Variants in SPATS1 observed in about 807,000 individuals in gnomAD.
The protein encoded by SPATS1 is spermatogenesis associated serine rich 1.
In SPATS1, 23 loss-of-function variants were observed where a neutral mutation model predicts 33.6. The ratio of observed to expected loss-of-function variants is 0.68; its 90% CI spans 0.49 to 0.97. SPATS1 has a LOEUF of 0.97. SPATS1 is among the 50% of genes least tolerant of loss of function. The pLI is 0.00. For missense variants in SPATS1, 327 were observed against 361.0 expected, an observed-to-expected ratio of 0.91 and a Z score of 0.76; for synonymous variants, 131 against 125.6, an observed-to-expected ratio of 1.04 and a Z score of -0.29.
Position 44,379,765 on chromosome 6 carries a change from A to G in SPATS1, c.*2702A>G, listed in dbSNP as rs1790122343. ...ATTTGATTCCTTTTTCTTTTAATCC[A>G]GGCCGCAAAAACCATGAGTAAAAAA... On this transcript the variant is annotated 3_prime_UTR_variant, in exon 9 of 9. Coordinates refer to ENST00000674044, the MANE Select transcript of SPATS1 (RefSeq NM_001372081.1). 6.7e-6 allele frequency among the ~76,000 whole-genome samples: 1 copy of G among 150,144 alleles called. No individual in the cohort carries two copies. The highest frequency in any genetic ancestry group is 2.2e-4 in the South Asian group (1 of 4,644).
intron 2 of SPATS1, among the ~76,000 whole-genome samples, chr6:44,346,781 T>C (rs1056601491): frequency 2.0e-5 from 3 of 152,110 alleles, no homozygotes; most frequent in African/African-American, 7.2e-5. Context: ...GCTCAAGGAG[T>C]GTAAATTAGT....
At chr6:44,370,530 T>C (rs1789540877) in intron 7 of SPATS1, among the ~76,000 whole-genome samples, 1 of 152,196 alleles carries the variant, frequency 6.6e-6, no homozygotes, top group Non-Finnish European at 1.5e-5. Context: ...TTGAGGGAAA[T>C]ATCATTCCTT....
intron 2 of SPATS1, among the ~76,000 whole-genome samples, chr6:44,347,669 G>T (rs950880337): frequency 1.3e-5 from 2 of 152,068 alleles, no homozygotes; most frequent in African/African-American, 4.8e-5. Flanking sequence ...GGATAAGAAA[G>T]GATTAATTTT....
chr6:44,343,235 G>T lies in SPATS1; in HGVS notation c.139+1G>T. The T allele has an allele frequency of 6.2e-7, 1 of 1,613,212 alleles. No homozygotes were observed. The highest frequency in any genetic ancestry group is 8.5e-7 in the Non-Finnish European group (1 of 1,179,596). ...ATGACCGAGGTGGAGAGGACCTACA[G>T]TTGAGTTCTAAGAAATCCAGGCTGT... On this transcript the variant is annotated splice_donor_variant, in intron 2 of 8. Coordinates refer to ENST00000674044, the MANE Select transcript of SPATS1 (RefSeq NM_001372081.1). LOFTEE classifies it high-confidence loss of function.
chr6:44,355,371 G>C (rs902291941), intron 3 of SPATS1, among the ~76,000 whole-genome samples: 1 of 152,098 alleles, frequency 6.6e-6, no homozygotes, highest in African/African-American at 2.4e-5. Flanking sequence ...TCCATTGTCT[G>C]GATGTACCAT....
At position 44,373,719 on chromosome 6, in the gene SPATS1, G is replaced by A. The variant is rs74435720; in HGVS notation, c.759-2639G>A. Reference sequence around the variant, plus strand: ...CAAGTCTTCTCTAGTTAGTGACAGAGAGAGCCAGAATTAGAATAAAAATTA... The same window carrying A: ...CAAGTCTTCTCTAGTTAGTGACAGAAAGAGCCAGAATTAGAATAAAAATTA... On this transcript the variant is annotated intron_variant, in intron 7 of 8. Coordinates refer to ENST00000674044, the MANE Select transcript of SPATS1 (RefSeq NM_001372081.1). Among the ~76,000 whole-genome samples, 724 of 152,314 alleles carry A rather than the reference G, an allele frequency of 4.8e-3. 2 individuals carry two copies. Among genetic ancestry groups the A allele is most frequent in the Non-Finnish European group, 7.7e-3 (525 of 68,032 alleles).
chr6:44,362,943 A>C (rs1275996779), intron 5 of SPATS1, among the ~76,000 whole-genome samples: 2 of 150,208 alleles, frequency 1.3e-5, no homozygotes, highest in Non-Finnish European at 3.0e-5. Flanking sequence ...GGTTCAAGCC[A>C]TTCGCCTGCC....
intron 3 of SPATS1, among the ~76,000 whole-genome samples, chr6:44,353,819 C>T (rs1026665419): frequency 8.0e-5 from 12 of 149,542 alleles, no homozygotes; most frequent in South Asian, 2.1e-4. Context: ...TGGTGGATCA[C>T]GAGGTCAGGA....
At chr6:44,361,744 C>A (rs1788934334) in intron 4 of SPATS1, 87 bp from the exon 5 acceptor site, 2 of 1,528,878 alleles carry the variant, frequency 1.3e-6, no homozygotes, top group Non-Finnish European at 1.8e-6. Context: ...CCAGATAGTG[C>A]CTGTGGAGTT....
intron 2 of SPATS1, among the ~76,000 whole-genome samples, chr6:44,351,122 C>CAAAAAAAAAAA (rs34139961): frequency 2.8e-4 from 21 of 75,510 alleles, no homozygotes; most frequent in South Asian, 4.7e-4. Flanking sequence ...GACTCTGTGT[C>CAAAAAAAAAAA]AAAAAAAAAA....
intron 2 of SPATS1, among the ~76,000 whole-genome samples, chr6:44,348,377 T>C (rs9472259): frequency 0.56 from 85,659 of 151,942 alleles, 26,060 homozygotes; most frequent in Non-Finnish European, 0.69. Flanking sequence ...GCCATAGTTC[T>C]GATAATCTTT....
At chr6:44,347,940 C>T (rs1443971093) in intron 2 of SPATS1, among the ~76,000 whole-genome samples, 1 of 151,784 alleles carries the variant, frequency 6.6e-6, no homozygotes, top group Non-Finnish European at 1.5e-5. Context: ...AGCTTAATTT[C>T]TTTATCTGTA....
rs776938496 is a variant in SPATS1, at chr6:44,368,508, A to G, written c.695+9A>G. On this transcript the variant is annotated intron_variant, in intron 6 of 8. Transcript: ENST00000674044. ...CCAGTGAATTTTTCAATGTAAGTGT[A>G]TGTTAATACTAGCATTATATAGTTA... 2 of 1,609,652 alleles carry G rather than the reference A, an allele frequency of 1.2e-6. No homozygotes were observed. Among genetic ancestry groups the G allele is most frequent in the South Asian group, 2.2e-5 (2 of 90,184 alleles).
chr6:44,364,611 A>G (rs189990384), intron 5 of SPATS1, among the ~76,000 whole-genome samples: 44 of 152,212 alleles, frequency 2.9e-4, no homozygotes, highest in Admixed American at 2.4e-3. Flanking sequence ...ATCAAACGCA[A>G]TGGTCTTTTT....
chr6:44,358,141 A>T (rs1319307510), intron 3 of SPATS1, among the ~76,000 whole-genome samples: 1 of 152,166 alleles, frequency 6.6e-6, no homozygotes, highest in Admixed American at 6.5e-5. Flanking sequence ...GGGGGCACTG[A>T]GTTATTGGTC....
At chr6:44,349,300 A>AG (rs35065753) in intron 2 of SPATS1, among the ~76,000 whole-genome samples, 3,558 of 150,604 alleles carry the variant, frequency 0.024, 94 homozygotes, top group East Asian at 0.059. Context: ...AAAAAAAAAA[A>AG]AAAAAAAAAA....
chr6:44,366,134 T>A (rs1323068002), intron 5 of SPATS1, among the ~76,000 whole-genome samples: 22 of 150,664 alleles, frequency 1.5e-4, no homozygotes, highest in South Asian at 4.2e-4. Flanking sequence ...TATATTTTTT[T>A]TTTTTTTGAG....
intron 2 of SPATS1, among the ~76,000 whole-genome samples, chr6:44,349,122 C>G (rs1378584270): frequency 6.7e-6 from 1 of 150,222 alleles, no homozygotes; most frequent in East Asian, 2.0e-4. Context: ...CAGAGCGAGA[C>G]TCTGTCTCCA....
At chr6:44,372,442 T>TTTTTA (rs529955150) in intron 7 of SPATS1, among the ~76,000 whole-genome samples, 1,587 of 150,846 alleles carry the variant, frequency 0.011, 24 homozygotes, top group African/African-American at 0.037. Context: ...TTGTTGTCTT[T>TTTTTA]TTTTATTTTA....
Sources: allele counts gnomAD v4.1 joint callset (sites outside exome capture counted in the v4.1 genomes callset), GRCh38; gene constraint gnomAD v4.1.1; transcripts MANE v1.5; gene names NCBI Gene and HGNC (gene_info 2026-07-23, HGNC 2026-07-21).